SIPA1L3: variants seen among roughly 807,000 people sequenced by gnomAD.
SIPA1L3 encodes the protein signal induced proliferation associated 1 like 3.
A neutral mutation model predicts 150.1 loss-of-function variants in SIPA1L3; 59 were observed. The observed-to-expected ratio is 0.39, with a 90% CI of 0.32 to 0.49. The LOEUF (loss-of-function observed/expected upper bound fraction) is 0.49, where lower values mean the gene tolerates loss of function less well. Among genes scored for constraint, SIPA1L3 ranks in the 20% least tolerant of loss-of-function variants. The probability of loss-of-function intolerance (pLI) is 0.86; values close to 1 mark genes in which losing one functional copy is unlikely to be tolerated. For missense variants in SIPA1L3, 2,211 were observed against 2,489.5 expected (o/e 0.89, Z 2.38); for synonymous variants, 1,070 against 1,077.6 (o/e 0.99, Z 0.14).
In SIPA1L3 at chr19:38,130,607, A is replaced by G. The variant is rs749772607; in HGVS notation, c.2978A>G (p.Tyr993Cys). 4.3e-6 allele frequency: 7 copies of G among 1,613,782 alleles called. No individual in the cohort carries two copies. The highest frequency in any genetic ancestry group is 4.0e-5 in the African/African-American group (3 of 75,060). ...YDGTVAEVED[Y>C]GFAWQAGLRQ... ...GGCACGGTGGCCGAGGTTGAGGACT[A>G]TGGGTTCGCCTGGCAGGCCGGCCTC... The change falls in exon 10 of 22, where the codon TAT becomes TGT. Residue 993 changes from tyrosine (Y) to cysteine (C), a missense_variant. By Grantham distance (194) the Tyr-to-Cys change is radical. Around this residue, in one of 5 missense-constraint regions of SIPA1L3, gnomAD observed 625 missense variants for 804.2 expected, o/e 0.78. Transcript: ENST00000222345.
At chr19:38,028,003 T>C (rs372975941) in intron 1 of SIPA1L3, among the ~76,000 whole-genome samples, 4 of 151,842 alleles carry the variant, frequency 2.6e-5, no homozygotes, top group African/African-American at 9.7e-5. Context: ...TTGGGAGGGA[T>C]TGTTATTAGT....
intron 1 of SIPA1L3, among the ~76,000 whole-genome samples, chr19:37,958,038 A>C (rs1464933954): frequency 6.6e-6 from 1 of 152,100 alleles, no homozygotes; most frequent in African/African-American, 2.4e-5. Context: ...TTTAGTGGAG[A>C]TATTTGGAGA....
chr19:38,143,030 C>G (rs915710124), intron 12 of SIPA1L3, among the ~76,000 whole-genome samples: 5 of 152,310 alleles, frequency 3.3e-5, no homozygotes, highest in Middle Eastern at 3.4e-3. Context: ...CCCCTAGGAC[C>G]AGGCTGCCAG....
At chr19:38,008,755 T>C (rs2145675820) in intron 1 of SIPA1L3, among the ~76,000 whole-genome samples, 1 of 152,054 alleles carries the variant, frequency 6.6e-6, no homozygotes, top group South Asian at 2.1e-4. Flanking sequence ...AGACAGGGTC[T>C]CCCTATGTTG....
At chr19:37,998,981 A>T (rs1248162173) in intron 1 of SIPA1L3, among the ~76,000 whole-genome samples, 6 of 23,938 alleles carry the variant, frequency 2.5e-4, no homozygotes. Flanking sequence ...CCTATCTATC[A>T]CACACACACA....
chr19:37,929,686 C>CT (rs1399423382), intron 1 of SIPA1L3, among the ~76,000 whole-genome samples: 1 of 152,140 alleles, frequency 6.6e-6, no homozygotes, highest in African/African-American at 2.4e-5. Context: ...CCTACCCTTC[C>CT]TTGCAAAGGC....
chr19:38,088,086 G>A lies in SIPA1L3; in HGVS notation c.1535-635G>A, dbSNP rs142164862. Among the ~76,000 whole-genome samples, 344 of 152,368 alleles carry A rather than the reference G, an allele frequency of 2.3e-3. 2 individuals carry two copies. The highest frequency in any genetic ancestry group is 8.0e-3 in the African/African-American group (332 of 41,596). On this transcript the variant is annotated intron_variant, in intron 3 of 21. Transcript: ENST00000222345. The stretch of plus-strand genomic sequence containing the variant: ...GGTGAGATAAAGGTGATGCCTAGGG[G>A]CCCCTATCGTGGTCCCTGACAGGCA...
chr19:38,037,707 A>G (rs900873678), intron 2 of SIPA1L3, among the ~76,000 whole-genome samples: 1 of 152,192 alleles, frequency 6.6e-6, no homozygotes, highest in Admixed American at 6.5e-5. Context: ...AGGCAGATAC[A>G]TAGGATAATT....
chr19:37,988,018 T>G (rs1401096626), intron 1 of SIPA1L3, among the ~76,000 whole-genome samples: 1 of 152,302 alleles, frequency 6.6e-6, no homozygotes, highest in African/African-American at 2.4e-5. Context: ...TATTCTCCCC[T>G]CCTCCTACAG....
At chr19:38,088,641 C>T (rs1249561461) in intron 3 of SIPA1L3, 80 bp from the exon 4 acceptor site, 3 of 1,543,364 alleles carry the variant, frequency 1.9e-6, no homozygotes, top group Non-Finnish European at 2.6e-6. Flanking sequence ...GCCTGGTCGC[C>T]CTGTCTGCAG....
chr19:38,004,950 A>G (rs929512737), intron 1 of SIPA1L3, among the ~76,000 whole-genome samples: 10 of 152,160 alleles, frequency 6.6e-5, no homozygotes, highest in African/African-American at 2.4e-4. Context: ...TACACGTTTC[A>G]GTACAGGCCC....
At chr19:38,182,452 A>G (rs1031369902) in intron 15 of SIPA1L3, 67 bp from the exon 16 acceptor site, 4 of 1,202,260 alleles carry the variant, frequency 3.3e-6, no homozygotes, top group African/African-American at 3.0e-5. Context: ...GTAAACTTCA[A>G]TAGCTCTGTC....
intron 9 of SIPA1L3, among the ~76,000 whole-genome samples, chr19:38,121,940 G>T (rs1485060600): frequency 6.6e-6 from 1 of 151,776 alleles, no homozygotes; most frequent in South Asian, 2.1e-4. Context: ...TGAAAAAGTG[G>T]CCAGGCGCGG....
At chr19:38,091,353 T>C (rs1050594155) in intron 4 of SIPA1L3, among the ~76,000 whole-genome samples, 7 of 152,110 alleles carry the variant, frequency 4.6e-5, no homozygotes, top group Non-Finnish European at 8.8e-5. Flanking sequence ...ACCACTGGAC[T>C]CCAGCCTGGG....
intron 2 of SIPA1L3, among the ~76,000 whole-genome samples, chr19:38,049,800 T>A (rs1037788372): frequency 6.6e-6 from 1 of 152,026 alleles, no homozygotes; most frequent in African/African-American, 2.4e-5. Flanking sequence ...AGGGTCCCGC[T>A]TCCCCATACC....
intron 1 of SIPA1L3, among the ~76,000 whole-genome samples, chr19:38,015,080 G>A (rs775387915): frequency 1.3e-5 from 2 of 152,120 alleles, no homozygotes; most frequent in Non-Finnish European, 2.9e-5. Context: ...CTCCCAAAGT[G>A]CTGGGATTAC....
At chr19:38,103,161 T>C (rs4802239) in intron 6 of SIPA1L3, among the ~76,000 whole-genome samples, 23,263 of 149,856 alleles carry the variant, frequency 0.16, 1,889 homozygotes, top group African/African-American at 0.2. Context: ...AAGGGAATAC[T>C]GGAGACAATA....
At chr19:38,167,375 C>G (rs530210562) in intron 15 of SIPA1L3, among the ~76,000 whole-genome samples, 77 of 152,156 alleles carry the variant, frequency 5.1e-4, no homozygotes, top group African/African-American at 1.8e-3. Context: ...TTACAGTGTT[C>G]TCTGACAGAT....
intron 1 of SIPA1L3, among the ~76,000 whole-genome samples, chr19:37,938,991 G>A (rs1248975140): frequency 1.3e-5 from 2 of 151,998 alleles, no homozygotes; most frequent in Non-Finnish European, 2.9e-5. Context: ...TCCTGGGGTG[G>A]CAGCCTATTT....
Sources: allele counts gnomAD v4.1 joint callset (sites outside exome capture counted in the v4.1 genomes callset), GRCh38; gene constraint gnomAD v4.1.1; regional missense constraint gnomAD v4.1.1; transcripts MANE v1.5; gene names NCBI Gene and HGNC (gene_info 2026-07-23, HGNC 2026-07-21).